Variants in TRMT9B observed in about 807,000 individuals in gnomAD.
TRMT9B encodes probable tRNA methyltransferase 9B.
TRMT9B carries 16 observed loss-of-function variants against 11.5 expected under a neutral mutation model. The ratio of observed to expected loss-of-function variants is 1.39; its 90% CI spans 0.94 to 2.11. The LOEUF is 2.11. TRMT9B is among the 30% of genes most tolerant of loss of function. The probability of loss-of-function intolerance (pLI) is 0.00; values close to 1 mark genes in which losing one functional copy is unlikely to be tolerated. For missense variants in TRMT9B, 941 were observed against 553.8 expected (o/e 1.70, Z -7.02); for synonymous variants, 274 against 192.4 (o/e 1.42, Z -3.51).
At chr8:13,008,688 T>G (rs754246624) in intron 3 of TRMT9B, among the ~76,000 whole-genome samples, 17 of 152,178 alleles carry the variant, frequency 1.1e-4, no homozygotes, top group Non-Finnish European at 1.9e-4. Context: ...AAAATCAAAC[T>G]AAGTAAAAAT....
intron 1 of TRMT9B, among the ~76,000 whole-genome samples, chr8:12,962,499 T>C (rs535672860): frequency 1.3e-5 from 2 of 152,230 alleles, no homozygotes; most frequent in East Asian, 3.9e-4. Flanking sequence ...TTGTTTTTTG[T>C]TTTTTGTTTT....
chr8:13,013,392 G>C (rs954058073), intron 4 of TRMT9B, among the ~76,000 whole-genome samples: 1 of 152,118 alleles, frequency 6.6e-6, no homozygotes. Context: ...CTCATTTGCT[G>C]CCAGAGATCG....
chr8:12,988,608 G>GA (rs1463511870), intron 1 of TRMT9B, among the ~76,000 whole-genome samples: 2 of 152,034 alleles, frequency 1.3e-5, no homozygotes, highest in Non-Finnish European at 2.9e-5. Context: ...AAGCAAAAGG[G>GA]AAAAAATTCC....
intron 1 of TRMT9B, among the ~76,000 whole-genome samples, chr8:12,964,884 C>T (rs1585112808): frequency 6.6e-6 from 1 of 152,024 alleles, no homozygotes; most frequent in South Asian, 2.1e-4. Context: ...GAGCCATGTG[C>T]TTGGTTCAGA....
chr8:12,946,403 G>A (rs996792199), intron 1 of TRMT9B, among the ~76,000 whole-genome samples: 1 of 152,186 alleles, frequency 6.6e-6, no homozygotes, highest in South Asian at 2.1e-4. Flanking sequence ...ATACAAAATT[G>A]TCAGACGGTG....
At chr8:12,989,173 A>C (rs1464566296) in intron 1 of TRMT9B, among the ~76,000 whole-genome samples, 3 of 152,144 alleles carry the variant, frequency 2.0e-5, no homozygotes, top group African/African-American at 7.2e-5. Flanking sequence ...TTATTTCAGA[A>C]GGTTTAAGGT....
chr8:13,005,085 C>CAAA lies in TRMT9B; in HGVS notation c.-1-1104_-1-1102dup, dbSNP rs1223540759. Among the ~76,000 whole-genome samples, 587 of 87,572 alleles carry CAAA rather than the reference C, an allele frequency of 6.7e-3. 2 individuals carry two copies. Among genetic ancestry groups the CAAA allele is most frequent in the African/African-American group, 0.023 (526 of 22,510 alleles). The allele number at this position is 87,572 out of a possible 152,430, so 57.5% of individuals were successfully genotyped here. ...TGGGCGATACAGCGAGACTGCATCT[C>CAAA]AAAAAAAAAAAAAAAGAAAAAGAAA... On this transcript the variant is annotated intron_variant, in intron 2 of 4. Transcript: ENST00000524591.
chr8:12,975,902 A>G (rs1160868226), intron 1 of TRMT9B, among the ~76,000 whole-genome samples: 1 of 152,196 alleles, frequency 6.6e-6, no homozygotes, highest in Non-Finnish European at 1.5e-5. Flanking sequence ...TTGTCCATAA[A>G]GAGTAAAAGT....
chr8:12,963,766 A>T (rs879747767), intron 1 of TRMT9B, among the ~76,000 whole-genome samples: 1 of 152,242 alleles, frequency 6.6e-6, no homozygotes, highest in African/African-American at 2.4e-5. Flanking sequence ...ACAAAAATGT[A>T]TACAAGTTTT....
chr8:12,969,517 C>G (rs560714082), intron 1 of TRMT9B, among the ~76,000 whole-genome samples: 1 of 152,172 alleles, frequency 6.6e-6, no homozygotes, highest in Non-Finnish European at 1.5e-5. Context: ...TGTGTACATT[C>G]TCCCATTATT....
intron 1 of TRMT9B, among the ~76,000 whole-genome samples, chr8:12,949,526 G>T (rs575465639): frequency 2.6e-5 from 4 of 152,034 alleles, no homozygotes; most frequent in Non-Finnish European, 5.9e-5. Flanking sequence ...AAATTCTACT[G>T]GTGGTCACTG....
intron 2 of TRMT9B, among the ~76,000 whole-genome samples, chr8:13,001,774 G>C (rs886441581): frequency 3.7e-4 from 56 of 152,182 alleles, no homozygotes; most frequent in African/African-American, 1.4e-3. Context: ...TCTCAAAGGA[G>C]GGACACAATG....
chr8:12,998,795 A>G (rs1465941763), intron 2 of TRMT9B, among the ~76,000 whole-genome samples: 1 of 152,230 alleles, frequency 6.6e-6, no homozygotes, highest in African/African-American at 2.4e-5. Flanking sequence ...GTTCCTCAGA[A>G]TATTTTTACT....
intron 1 of TRMT9B, among the ~76,000 whole-genome samples, chr8:12,984,301 G>A (rs190587809): frequency 9.9e-5 from 15 of 152,272 alleles, no homozygotes; most frequent in African/African-American, 3.1e-4. Context: ...CAAGCACTTT[G>A]GTTAAGGGAT....
At chr8:12,951,975 A>G (rs957790497) in intron 1 of TRMT9B, 1 of 153,044 alleles carries the variant, frequency 6.5e-6, no homozygotes, top group African/African-American at 2.5e-5. Flanking sequence ...GCGCTCCCCC[A>G]CGGCCACGCG....
At chr8:13,010,120 A>G (rs1811313736) in intron 3 of TRMT9B, 1 of 375,250 alleles carries the variant, frequency 2.7e-6, no homozygotes, top group Non-Finnish European at 3.7e-6. Flanking sequence ...CCTGGGTGGC[A>G]TAGTGAGACC....
chr8:12,991,560 T>G (rs1807332333), intron 2 of TRMT9B, among the ~76,000 whole-genome samples: 1 of 152,224 alleles, frequency 6.6e-6, no homozygotes, highest in South Asian at 2.1e-4. Context: ...GTGGCATTTA[T>G]AATAGGAGAG....
chr8:13,001,811 G>A (rs903073937), intron 2 of TRMT9B, among the ~76,000 whole-genome samples: 2 of 152,280 alleles, frequency 1.3e-5, no homozygotes, highest in African/African-American at 4.8e-5. Flanking sequence ...GACTTTTTAT[G>A]TGGATTATTT....
chr8:13,009,449 G>C (rs544722097), intron 3 of TRMT9B, among the ~76,000 whole-genome samples: 1 of 152,098 alleles, frequency 6.6e-6, no homozygotes, highest in Non-Finnish European at 1.5e-5. Context: ...GATACGGTTC[G>C]GCAACAAAGT....
Sources: allele counts gnomAD v4.1 joint callset (sites outside exome capture counted in the v4.1 genomes callset), GRCh38; gene constraint gnomAD v4.1.1; transcripts MANE v1.5; gene names NCBI Gene and HGNC (gene_info 2026-07-23, HGNC 2026-07-21).